Variants in MYO18B observed in about 807,000 individuals in gnomAD.
MYO18B encodes myosin XVIIIB.
A neutral mutation model predicts 273.0 loss-of-function variants in MYO18B; 204 were observed. The ratio of observed to expected loss-of-function variants is 0.75; its 90% confidence interval spans 0.67 to 0.84. The LOEUF (loss-of-function observed/expected upper bound fraction) is 0.84. Among genes scored for constraint, MYO18B ranks in the 40% least tolerant of loss-of-function variants. The probability of loss-of-function intolerance (pLI) is 0.00; values close to 1 mark genes in which losing one functional copy is unlikely to be tolerated. For missense variants in MYO18B, 3,212 were observed against 3,287.6 expected (o/e 0.98, Z 0.56); for synonymous variants, 1,330 against 1,305.7 (o/e 1.02, Z -0.40).
At chr22:25,849,195 G>A (rs1047527540) in intron 20 of MYO18B, among the ~76,000 whole-genome samples, 4 of 152,294 alleles carry the variant, frequency 2.6e-5, no homozygotes, top group South Asian at 2.1e-4. Context: ...ATGCCTGTGC[G>A]CACGCAGGGT....
chr22:25,942,241 T>C (rs932572554), intron 34 of MYO18B, among the ~76,000 whole-genome samples: 1 of 152,226 alleles, frequency 6.6e-6, no homozygotes, highest in Non-Finnish European at 1.5e-5. Context: ...AATCTGGCAC[T>C]TAGTGTTGGT....
intron 12 of MYO18B, among the ~76,000 whole-genome samples, chr22:25,804,387 T>G (rs2088367416): frequency 6.6e-6 from 1 of 152,202 alleles, no homozygotes; most frequent in African/African-American, 2.4e-5. Flanking sequence ...AGTTACTTGC[T>G]AGATCACCGG....
intron 1 of MYO18B, among the ~76,000 whole-genome samples, chr22:25,753,078 C>A (rs1051797079): frequency 3.0e-4 from 41 of 137,286 alleles, no homozygotes; most frequent in African/African-American, 1.2e-3. Context: ...CATACCCGAG[C>A]CCCCCACCAC....
intron 38 of MYO18B, 26 bp downstream of exon 38, chr22:25,952,449 C>T (rs2146631612): frequency 6.2e-7 from 1 of 1,611,744 alleles, no homozygotes; most frequent in Middle Eastern, 1.7e-4. Flanking sequence ...TAAATAGTGC[C>T]TGGGCCAAGA....
Position 25,769,037 on chromosome 22 carries a change from AAGC to A in MYO18B, c.1124_1126del (p.Ala375del). On this transcript the variant is annotated inframe_deletion, in exon 4 of 44. Coordinates refer to ENST00000335473, the MANE Select transcript of MYO18B (RefSeq NM_032608.7). ...GGGGACGATCTGAGAATGGGGGAGA[AAGC>A]AGGTGAGCTTCGGAGCACGACTGGG... 3.1e-6 allele frequency: 5 copies of A among 1,611,930 alleles called. No individual in the cohort carries two copies. The highest frequency in any genetic ancestry group is 4.2e-6 in the Non-Finnish European group (5 of 1,178,950).
At chr22:26,043,655 C>T in the MYO18B span, among the ~76,000 whole-genome samples, 12 of 151,768 alleles carry the variant, frequency 7.9e-5, no homozygotes, top group African/African-American at 1.4e-4. Context: ...GGATTACAGG[C>T]GTGCGCCACC....
At chr22:25,876,838 T>TA (rs1438451467) in intron 24 of MYO18B, 14 of 152,344 alleles carry the variant, frequency 9.2e-5, no homozygotes, top group African/African-American at 3.1e-4. Context: ...ATACTACATA[T>TA]ACTCTTCTTC....
chr22:25,757,865 T>C (rs954585826), intron 1 of MYO18B, among the ~76,000 whole-genome samples: 1 of 152,222 alleles, frequency 6.6e-6, no homozygotes, highest in South Asian at 2.1e-4. Flanking sequence ...AACATTGTAC[T>C]CAATCTTACT....
At chr22:25,997,305 C>CAAA (rs1933372342) in intron 40 of MYO18B, among the ~76,000 whole-genome samples, 1 of 14,096 alleles carries the variant, frequency 7.1e-5, no homozygotes, top group Non-Finnish European at 1.1e-4. Context: ...ACTCTGTCGC[C>CAAA]AAAAAAAAAA....
chr22:25,745,877 C>T (rs924126986), intron 1 of MYO18B, among the ~76,000 whole-genome samples: 8 of 152,124 alleles, frequency 5.3e-5, no homozygotes, highest in East Asian at 1.9e-4. Flanking sequence ...TTAACTGTTG[C>T]GTTGAGGTAG....
chr22:25,897,244 G>T (rs1180951779), intron 28 of MYO18B: 2 of 152,190 alleles, frequency 1.3e-5, no homozygotes, highest in Admixed American at 6.5e-5. Flanking sequence ...TAGGGTGGAG[G>T]TTATATTTGT....
At chr22:25,933,568 A>G (rs1164030598) in intron 34 of MYO18B, among the ~76,000 whole-genome samples, 1 of 152,164 alleles carries the variant, frequency 6.6e-6, no homozygotes, top group Admixed American at 6.5e-5. Flanking sequence ...TGTGAGCTAT[A>G]TTGATATTAT....
rs747527566 is a variant in MYO18B at position 25,826,475 on chromosome 22, C to T, written c.2762C>T (p.Ala921Val). Reference sequence around the variant, plus strand: ...TCGGGCCTGTACCAGGAACTCTTTGCGGCTGTGGTCTCACTCATCAACAGG... The same window carrying T: ...TCGGGCCTGTACCAGGAACTCTTTGTGGCTGTGGTCTCACTCATCAACAGG... ...MASGLYQELFAAVVSLINRSF... is the reference protein window; with the variant it reads ...MASGLYQELFVAVVSLINRSF... The change falls in exon 14 of 44, where the codon GCG (alanine) becomes GTG (valine). Residue 921 changes from alanine to valine, a missense_variant. By Grantham distance (64) the Ala-to-Val change is moderately conservative. Transcript: ENST00000335473. The T allele has an allele frequency of 1.1e-5, 17 of 1,613,552 alleles. No individual in the cohort carries two copies. Among genetic ancestry groups the T allele is most frequent in the Middle Eastern group, 1.7e-4 (1 of 6,054 alleles).
At chr22:25,931,374 G>A (rs1601606040) in intron 34 of MYO18B, among the ~76,000 whole-genome samples, 1 of 152,290 alleles carries the variant, frequency 6.6e-6, no homozygotes, top group Admixed American at 6.5e-5. Context: ...GTCATGGAGG[G>A]GCCTGTCAAG....
intron 21 of MYO18B, among the ~76,000 whole-genome samples, chr22:25,853,324 T>G (rs1333942420): frequency 6.6e-6 from 1 of 152,196 alleles, no homozygotes; most frequent in Non-Finnish European, 1.5e-5. Flanking sequence ...CTTAGGTGTC[T>G]TCTTAGTTCT....
At chr22:25,859,609 G>T (rs1329346754) in intron 21 of MYO18B, among the ~76,000 whole-genome samples, 1 of 151,646 alleles carries the variant, frequency 6.6e-6, no homozygotes, top group East Asian at 1.9e-4. Context: ...GTTTTAATTT[G>T]CATTTTCCCT....
At chr22:25,813,772 T>C (rs1281348150) in intron 12 of MYO18B, among the ~76,000 whole-genome samples, 1 of 152,170 alleles carries the variant, frequency 6.6e-6, no homozygotes, top group African/African-American at 2.4e-5. Context: ...AGGATTGCCA[T>C]GTGGCCTAGC....
At chr22:25,836,964 AAATAATAATAATAATAATAATAAT>A (rs71191082) in intron 17 of MYO18B, among the ~76,000 whole-genome samples, 11 of 142,158 alleles carry the variant, frequency 7.7e-5, no homozygotes, top group South Asian at 2.3e-4. Flanking sequence ...TTCCATCTCA[AAATAATAATAATAATAATAATAAT>A]AATAATAATA....
intron 12 of MYO18B, among the ~76,000 whole-genome samples, chr22:25,811,867 A>G (rs1216807663): frequency 6.6e-6 from 1 of 152,178 alleles, no homozygotes; most frequent in African/African-American, 2.4e-5. Flanking sequence ...CTGGCAGGGG[A>G]ACTGTTAGGT....
Sources: gnomAD v4.1 joint callset for allele counts (sites outside exome capture counted in the v4.1 genomes callset) on GRCh38, gnomAD v4.1.1 for gene constraint, MANE v1.5 for transcripts, NCBI Gene and HGNC (gene_info 2026-07-23, HGNC 2026-07-21) for gene names.